The following DEK variants were observed in gnomAD, a reference collection of about 807,000 sequenced individuals.
The protein encoded by DEK is protein DEK.
A neutral mutation model predicts 46.8 loss-of-function variants in DEK; 28 were observed. The ratio of observed to expected loss-of-function variants is 0.60; its 90% CI spans 0.44 to 0.82. The LOEUF is 0.82. Ranked by LOEUF, DEK falls within the 40% of genes least tolerant of loss-of-function variation. DEK has a pLI of 0.00. For missense variants in DEK, 416 were observed against 430.6 expected (o/e 0.97, Z 0.30); for synonymous variants, 160 against 144.5 (o/e 1.11, Z -0.77).
intron 2 of DEK, among the ~76,000 whole-genome samples, chr6:18,263,058 T>G (rs114840342): frequency 9.5e-4 from 144 of 152,312 alleles, no homozygotes; most frequent in Non-Finnish European, 1.7e-3. Flanking sequence ...GACTCGGATT[T>G]TTAAATGTTT....
Position 18,225,724 on chromosome 6 carries a change from A to G in DEK, c.1123T>C (p.Ser375Pro). ...FIKTTVKELIS is the reference protein window; with the variant it reads ...FIKTTVKELIP ...CATCTTCTCTGTCCTCTATCTCAAG[A>G]AATTAGCTGTAATGAAAGAGAAACA... Residue 375 changes from serine (S) to proline (P), a missense_variant, in exon 11 of 11, where the codon TCT becomes CCT. Transcript: ENST00000652689. 6.2e-7 allele frequency: 1 copy of G among 1,613,484 alleles called. No individual in the cohort carries two copies. Among genetic ancestry groups the G allele is most frequent in the Non-Finnish European group, 8.5e-7 (1 of 1,179,640 alleles).
chr6:18,242,936 T>C (rs1353734554), intron 7 of DEK, among the ~76,000 whole-genome samples: 4 of 152,176 alleles, frequency 2.6e-5, no homozygotes, highest in Admixed American at 1.3e-4. Flanking sequence ...GCGAAAGTTA[T>C]GGCCACAGTG....
chr6:18,253,194 G>C (rs1268687381), intron 6 of DEK, among the ~76,000 whole-genome samples: 2 of 151,604 alleles, frequency 1.3e-5, no homozygotes, highest in Non-Finnish European at 2.9e-5. Context: ...TCACCTCCCA[G>C]AGAACACCAC....
At chr6:18,252,425 C>T (rs912869015) in intron 6 of DEK, among the ~76,000 whole-genome samples, 1 of 146,302 alleles carries the variant, frequency 6.8e-6, no homozygotes, top group Non-Finnish European at 1.5e-5. Flanking sequence ...GAGAGGATCA[C>T]CTGAGCCCAG....
intron 9 of DEK, among the ~76,000 whole-genome samples, chr6:18,231,317 G>T (rs1790402789): frequency 1.3e-5 from 2 of 152,070 alleles, no homozygotes; most frequent in African/African-American, 4.8e-5. Context: ...AACTAGAGAA[G>T]CAAGAGCAAA....
chr6:18,238,881 G>C (rs1790780914), intron 7 of DEK, among the ~76,000 whole-genome samples: 2 of 151,908 alleles, frequency 1.3e-5, no homozygotes, highest in African/African-American at 4.8e-5. Flanking sequence ...TTCTCCAAAT[G>C]TTTAACACTC....
intron 7 of DEK, among the ~76,000 whole-genome samples, chr6:18,238,450 G>A (rs191468772): frequency 1.3e-4 from 20 of 151,928 alleles, no homozygotes; most frequent in African/African-American, 4.6e-4. Flanking sequence ...TGTAATTCCA[G>A]CACTTTGGGA....
chr6:18,237,662 G>A (rs1267116947), intron 7 of DEK, 146 bp from the exon 8 acceptor site: 22 of 1,060,656 alleles, frequency 2.1e-5, no homozygotes, highest in Non-Finnish European at 2.6e-5. Flanking sequence ...TTTGAGAGAT[G>A]ACTAATATAC....
At chr6:18,247,169 C>A (rs1791155782) in intron 7 of DEK, among the ~76,000 whole-genome samples, 2 of 152,116 alleles carry the variant, frequency 1.3e-5, no homozygotes, top group South Asian at 4.1e-4. Context: ...CCTGCCAGAA[C>A]TTACCTTTCA....
At chr6:18,244,666 G>T in intron 7 of DEK, 1 of 863,232 alleles carries the variant, frequency 1.2e-6, no homozygotes. Context: ...CAACAATTTG[G>T]CTGAGAAAAC....
chr6:18,263,196 C>G (rs1001675124), intron 2 of DEK, among the ~76,000 whole-genome samples: 1 of 152,150 alleles, frequency 6.6e-6, no homozygotes, highest in African/African-American at 2.4e-5. Context: ...GGGCTCATAT[C>G]GCCCTCCCTT....
intron 7 of DEK, among the ~76,000 whole-genome samples, chr6:18,241,242 A>C (rs1790881029): frequency 1.3e-5 from 2 of 152,208 alleles, no homozygotes; most frequent in Admixed American, 1.3e-4. Context: ...TTAGGACACA[A>C]TGGACAATTT....
chr6:18,225,790 C>T, intron 10 of DEK, 60 bp from the exon 11 acceptor site: 1 of 1,589,736 alleles, frequency 6.3e-7, no homozygotes, highest in Non-Finnish European at 8.6e-7. Context: ...CCATTTTTTC[C>T]ACATCTATTT....
intron 2 of DEK, among the ~76,000 whole-genome samples, chr6:18,259,394 CAAAAAAAAAAAAAAAAAAAAAAAA>C (rs56704006): frequency 4.3e-4 from 18 of 41,482 alleles, no homozygotes; most frequent in Admixed American, 1.4e-3. Flanking sequence ...GACTCCGTCT[CAAAAAAAAAAAAAAAAAAAAAAAA>C]AAAAAAAAAA....
At chr6:18,241,065 T>G (rs185428117) in intron 7 of DEK, among the ~76,000 whole-genome samples, 1 of 152,344 alleles carries the variant, frequency 6.6e-6, no homozygotes, top group African/African-American at 2.4e-5. Flanking sequence ...TTTAGATTAA[T>G]GCTGAGTTAA....
At chr6:18,258,254 A>T in intron 3 of DEK, 50 bp downstream of exon 3, 1 of 1,491,020 alleles carries the variant, frequency 6.7e-7, no homozygotes, top group East Asian at 2.3e-5. Context: ...TCATTTTCAC[A>T]AATTTAGGCA....
At chr6:18,235,268 G>A (rs948737394) in intron 9 of DEK, among the ~76,000 whole-genome samples, 2 of 152,074 alleles carry the variant, frequency 1.3e-5, no homozygotes, top group African/African-American at 4.8e-5. Flanking sequence ...ACTCTAACAT[G>A]GCATATTTAA....
At chr6:18,244,782 TCCAA>T (rs1456036448) in intron 7 of DEK, among the ~76,000 whole-genome samples, 2 of 152,178 alleles carry the variant, frequency 1.3e-5, no homozygotes, top group Non-Finnish European at 2.9e-5. Flanking sequence ...AATTCTGCCT[TCCAA>T]CGAAAGGTTT....
At chr6:18,228,448 G>A (rs1297012077) in intron 9 of DEK, among the ~76,000 whole-genome samples, 3 of 152,116 alleles carry the variant, frequency 2.0e-5, no homozygotes, top group South Asian at 2.1e-4. Context: ...CACCGTGAGC[G>A]ACGCAGAAGA....
Sources: allele counts gnomAD v4.1 joint callset (sites outside exome capture counted in the v4.1 genomes callset), GRCh38; gene constraint gnomAD v4.1.1; transcripts MANE v1.5; gene names NCBI Gene and HGNC (gene_info 2026-07-23, HGNC 2026-07-21).